Variants in ASXL3 observed in about 807,000 individuals in gnomAD.
The protein encoded by ASXL3 is putative Polycomb group protein ASXL3.
Under a neutral mutation model 170.6 loss-of-function variants are expected in ASXL3, and 34 were observed. The observed-to-expected ratio is 0.20, with a 90% CI of 0.15 to 0.27. The LOEUF (loss-of-function observed/expected upper bound fraction) is 0.27. ASXL3 is among the 10% of genes least tolerant of loss of function. The pLI is 1.00. For synonymous variants in ASXL3, 1,002 were observed against 989.1 expected (o/e 1.01, Z -0.24); for missense variants, 2,592 against 2,695.3 (o/e 0.96, Z 0.85).
intron 8 of ASXL3, among the ~76,000 whole-genome samples, chr18:33,731,100 G>T (rs188394420): frequency 3.9e-4 from 60 of 152,180 alleles, no homozygotes; most frequent in Middle Eastern, 3.4e-3. Flanking sequence ...CTTTGCTCCT[G>T]AATGATGATT....
intron 10 of ASXL3, among the ~76,000 whole-genome samples, chr18:33,736,802 C>A (rs1435901159): frequency 6.6e-6 from 1 of 152,178 alleles, no homozygotes; most frequent in Admixed American, 6.5e-5. Flanking sequence ...GAACTGTGAA[C>A]ATCTTCCTCC....
chr18:33,707,695 G>A (rs1260757816), intron 8 of ASXL3, among the ~76,000 whole-genome samples: 1 of 151,766 alleles, frequency 6.6e-6, no homozygotes, highest in African/African-American at 2.4e-5. Flanking sequence ...AATATCTTTG[G>A]TATAGTGTTG....
intron 2 of ASXL3, among the ~76,000 whole-genome samples, chr18:33,643,236 A>G (rs2065871619): frequency 6.6e-6 from 1 of 151,904 alleles, no homozygotes; most frequent in African/African-American, 2.4e-5. Flanking sequence ...GTTCAGTATA[A>G]CATGTATTGC....
At chr18:33,637,258 G>A (rs2065781635) in intron 2 of ASXL3, among the ~76,000 whole-genome samples, 1 of 151,940 alleles carries the variant, frequency 6.6e-6, no homozygotes, top group African/African-American at 2.4e-5. Context: ...TATATTTTTT[G>A]GCATGCCATG....
At chr18:33,672,837 A>G (rs1344652530) in intron 7 of ASXL3, among the ~76,000 whole-genome samples, 2 of 152,148 alleles carry the variant, frequency 1.3e-5, no homozygotes, top group African/African-American at 4.8e-5. Flanking sequence ...ACATTTTGCT[A>G]AATCTTGGGA....
At chr18:33,737,695 TTC>T (rs1171124855) in intron 10 of ASXL3, among the ~76,000 whole-genome samples, 1 of 152,150 alleles carries the variant, frequency 6.6e-6, no homozygotes, top group Non-Finnish European at 1.5e-5. Flanking sequence ...CCCAAATATG[TTC>T]TGTTATTCTT....
chr18:33,739,158 A>T lies in ASXL3; in HGVS notation c.1754A>T (p.Asn585Ile). 1 of 1,613,800 alleles carries T rather than the reference A, an allele frequency of 6.2e-7. No homozygotes were observed. The highest frequency in any genetic ancestry group is 8.5e-7 in the Non-Finnish European group (1 of 1,179,806). ...GSSSLEGQFP[N>I]EGIAIDMELQ... ...TCTTCTCTAGAAGGCCAGTTTCCAAATGAAGGAATTGCTATAGATATGGAG... is the reference window on the plus strand; with the variant it reads ...TCTTCTCTAGAAGGCCAGTTTCCAATTGAAGGAATTGCTATAGATATGGAG... The change falls in exon 11 of 12, where the codon AAT becomes ATT. Residue 585 changes from asparagine to isoleucine, a missense_variant. Around this residue, in one of 4 missense-constraint regions of ASXL3, gnomAD observed 2,246 missense variants for 2,219.6 expected, o/e 1.01. Transcript: ENST00000269197.
intron 2 of ASXL3, chr18:33,614,833 T>C (rs1040905797): frequency 2.6e-5 from 4 of 151,848 alleles, no homozygotes; most frequent in Non-Finnish European, 2.9e-5. Context: ...TTTTTTTTTT[T>C]CTTTTCTGAG....
intron 8 of ASXL3, among the ~76,000 whole-genome samples, chr18:33,716,491 T>C (rs2067167726): frequency 6.6e-6 from 1 of 152,208 alleles, no homozygotes; most frequent in South Asian, 2.1e-4. Context: ...AGGTTTGACA[T>C]GTTGCTAATT....
chr18:33,624,620 T>C (rs545073681), intron 2 of ASXL3, among the ~76,000 whole-genome samples: 10 of 152,172 alleles, frequency 6.6e-5, no homozygotes, highest in Admixed American at 5.9e-4. Flanking sequence ...ATCTGATGGG[T>C]ATGTTTTTGG....
intron 10 of ASXL3, among the ~76,000 whole-genome samples, 157 bp downstream of exon 10, chr18:33,734,572 G>C (rs1449810903): frequency 6.6e-6 from 1 of 152,032 alleles, no homozygotes; most frequent in East Asian, 1.9e-4. Context: ...AATTATAGTG[G>C]GATATCAGCA....
chr18:33,663,299 A>G (rs2066206262), intron 5 of ASXL3, among the ~76,000 whole-genome samples: 1 of 152,190 alleles, frequency 6.6e-6, no homozygotes, highest in South Asian at 2.1e-4. Flanking sequence ...GGGATCATAA[A>G]TGAAACTCAT....
chr18:33,659,024 C>A (rs1169885040), intron 4 of ASXL3, among the ~76,000 whole-genome samples: 3 of 152,032 alleles, frequency 2.0e-5, no homozygotes, highest in African/African-American at 7.2e-5. Flanking sequence ...TCAAAATGTA[C>A]AGTGTATATG....
In ASXL3 at chr18:33,746,702, G is replaced by T. The variant is rs1159945471; in HGVS notation, c.*107G>T. The T allele has an allele frequency of 8.9e-6, 13 of 1,465,112 alleles. No individual in the cohort carries two copies. Among genetic ancestry groups the T allele is most frequent in the Non-Finnish European group, 1.2e-5 (13 of 1,113,752 alleles). The allele number at this position is 1,465,112 out of a possible 1,614,324, so 90.8% of individuals were successfully genotyped here. A position where few individuals can be genotyped will look rare whatever the true frequency, so the allele number is the denominator to read the frequency against. Reference sequence around the variant, plus strand: ...GGTTTCTATCATGCTAATTTATTTTGCTTTGGAGCAGGTACCTTTCCTCTA... The same window carrying T: ...GGTTTCTATCATGCTAATTTATTTTTCTTTGGAGCAGGTACCTTTCCTCTA... On this transcript the variant is annotated 3_prime_UTR_variant, in exon 12 of 12. Transcript: ENST00000269197.
chr18:33,744,232 C>T lies in ASXL3; in HGVS notation c.4384C>T (p.Pro1462Ser), dbSNP rs750373320. Residue 1462 changes from proline (P) to serine (S), a missense_variant, in exon 12 of 12, where the codon CCA (proline) becomes TCA (serine). This residue lies in a region of ASXL3 where 2,246 missense variants were observed against 2,219.6 expected (regional missense o/e 1.01). Coordinates refer to ENST00000269197, the MANE Select transcript of ASXL3 (RefSeq NM_030632.3). ...KPQQPPGGFA[P>S]AAINRSIPCK... ...TCAGCAACCACCAGGGGGCTTTGCA[C>T]CAGCAGCCATAAACCGATCAATTCC... The T allele has an allele frequency of 2.5e-6, 4 of 1,613,832 alleles. No individual in the cohort carries two copies. The highest frequency in any genetic ancestry group is 4.5e-5 in the East Asian group (2 of 44,894).
rs11288492 is a variant in ASXL3, at chr18:33,668,427, C to CA, written c.478-2230dup. Reference sequence around the variant, plus strand: ...TGGGCATCAGAGCGAGACTCCATCTCAAAAAAAAAAAAAAAATAGGAAAAA... The same window carrying CA: ...TGGGCATCAGAGCGAGACTCCATCTCAAAAAAAAAAAAAAAAATAGGAAAAA... On this transcript the variant is annotated intron_variant, in intron 5 of 11. Transcript: ENST00000269197. Among the ~76,000 whole-genome samples the CA allele has an allele frequency of 7.3e-3, 851 of 115,858 alleles. 6 individuals carry two copies. Among genetic ancestry groups the CA allele is most frequent in the African/African-American group, 0.018 (579 of 32,498 alleles). 76.0% of individuals were successfully genotyped at this position (115,858 alleles called of 152,430 possible).
intron 7 of ASXL3, among the ~76,000 whole-genome samples, chr18:33,672,244 G>T (rs1314679960): frequency 2.0e-5 from 3 of 152,112 alleles, no homozygotes; most frequent in African/African-American, 4.8e-5. Context: ...TTTATAAAGG[G>T]TTCACTGAAC....
At chr18:33,703,623 A>G (rs1370401540) in intron 8 of ASXL3, among the ~76,000 whole-genome samples, 1 of 151,982 alleles carries the variant, frequency 6.6e-6, no homozygotes, top group South Asian at 2.1e-4. Context: ...TACTGTGTCA[A>G]CTGACTGGGA....
chr18:33,683,069 T>C lies in ASXL3; in HGVS notation c.716-336T>C, dbSNP rs1170496966. ...AACTTACATAAATTGTAGTTGTTAC[T>C]ATTCAGGCATTCAGAGTTTTTGAAA... is the stretch of plus-strand genomic sequence containing the variant. On this transcript the variant is annotated intron_variant, in intron 7 of 11. Transcript: ENST00000269197. Among the ~76,000 whole-genome samples the C allele has an allele frequency of 3.3e-5, 5 of 152,196 alleles. 1 individual carries two copies. Among genetic ancestry groups the C allele is most frequent in the Non-Finnish European group, 7.3e-5 (5 of 68,040 alleles).
Sources: gnomAD v4.1 joint callset for allele counts (sites outside exome capture counted in the v4.1 genomes callset) on GRCh38, gnomAD v4.1.1 for gene constraint, gnomAD v4.1.1 regional missense constraint, MANE v1.5 for transcripts, NCBI Gene and HGNC (gene_info 2026-07-23, HGNC 2026-07-21) for gene names.